Variants in MAGI3 observed in about 807,000 individuals in gnomAD.
MAGI3 encodes the protein membrane-associated guanylate kinase, WW and PDZ domain-containing protein 3.
MAGI3 carries 43 observed loss-of-function variants against 121.8 expected under a neutral mutation model. The observed-to-expected ratio is 0.35, with a 90% CI of 0.28 to 0.46. The LOEUF (loss-of-function observed/expected upper bound fraction) is 0.46. MAGI3 is among the 20% of genes least tolerant of loss of function. The probability of loss-of-function intolerance (pLI) is 1.00; values close to 1 mark genes in which losing one functional copy is unlikely to be tolerated. For synonymous variants in MAGI3, 553 were observed against 639.3 expected (o/e 0.86, Z 2.04); for missense variants, 1,547 against 1,797.3 (o/e 0.86, Z 2.52).
At chr1:113,577,277 G>A (rs989327024) in intron 2 of MAGI3, among the ~76,000 whole-genome samples, 3 of 152,128 alleles carry the variant, frequency 2.0e-5, no homozygotes, top group Non-Finnish European at 2.9e-5. Context: ...TAAGATGAGG[G>A]TAAGACTTGG....
chr1:113,462,813 A>C (rs1235785488), intron 1 of MAGI3, among the ~76,000 whole-genome samples: 1 of 152,156 alleles, frequency 6.6e-6, no homozygotes. Context: ...TTATTCTTAC[A>C]ATTTTAGATT....
chr1:113,505,108 A>C (rs924044135), intron 1 of MAGI3, among the ~76,000 whole-genome samples: 4 of 152,148 alleles, frequency 2.6e-5, no homozygotes, highest in Non-Finnish European at 5.9e-5. Flanking sequence ...GAGAGTTATA[A>C]TAATACAACA....
At chr1:113,394,268 A>G (rs1358486154) in intron 1 of MAGI3, among the ~76,000 whole-genome samples, 1 of 152,160 alleles carries the variant, frequency 6.6e-6, no homozygotes, top group Non-Finnish European at 1.5e-5. Context: ...CTTTTCCTGA[A>G]TCAATTAGGT....
In MAGI3 at chr1:113,629,754, CT is replaced by C. The variant is rs1382186066; in HGVS notation, c.1360+6761del. ...CCTCTCTCTCTCTCTCTCTCTCTCT[CT>C]CTCTCTCCCTCCCTCCCTCCCTCCC... is the stretch of plus-strand genomic sequence containing the variant. On this transcript the variant is annotated intron_variant, in intron 9 of 20. Coordinates refer to ENST00000307546, the MANE Select transcript of MAGI3 (RefSeq NM_001142782.2). Among the ~76,000 whole-genome samples, 247 of 109,496 alleles carry C rather than the reference CT, an allele frequency of 2.3e-3. 1 individual carries two copies. Among genetic ancestry groups the C allele is most frequent in the East Asian group, 0.013 (53 of 4,222 alleles). 71.8% of individuals were successfully genotyped at this position (109,496 alleles called of 152,430 possible).
intron 1 of MAGI3, among the ~76,000 whole-genome samples, chr1:113,409,415 A>G (rs2186051): frequency 0.79 from 119,869 of 151,800 alleles, 47,787 homozygotes; most frequent in African/African-American, 0.91. Flanking sequence ...GAGGCAAGCA[A>G]GAGGATTGCT....
At chr1:113,412,795 A>G (rs1321787632) in intron 1 of MAGI3, among the ~76,000 whole-genome samples, 1 of 152,102 alleles carries the variant, frequency 6.6e-6, no homozygotes, top group Non-Finnish European at 1.5e-5. Context: ...TCAGATGGGT[A>G]GATTGCAAAA....
intron 19 of MAGI3, among the ~76,000 whole-genome samples, chr1:113,678,917 T>C (rs1231633911): frequency 1.3e-5 from 2 of 152,182 alleles, no homozygotes; most frequent in African/African-American, 4.8e-5. Context: ...CTTATTATTA[T>C]TTCTATTCTT....
chr1:113,667,779 C>G (rs1647257706), intron 16 of MAGI3, among the ~76,000 whole-genome samples: 1 of 152,168 alleles, frequency 6.6e-6, no homozygotes, highest in Non-Finnish European at 1.5e-5. Flanking sequence ...ATATGCAACT[C>G]TTTCTTTCAC....
intron 2 of MAGI3, among the ~76,000 whole-genome samples, chr1:113,570,828 C>T (rs1292670405): frequency 6.6e-6 from 1 of 152,008 alleles, no homozygotes; most frequent in African/African-American, 2.4e-5. Context: ...AAAATTTTCT[C>T]CCATTCTATA....
chr1:113,680,357 C>T (rs1305712296), intron 19 of MAGI3, among the ~76,000 whole-genome samples: 1 of 152,196 alleles, frequency 6.6e-6, no homozygotes, highest in Non-Finnish European at 1.5e-5. Context: ...CAGTGCTCTC[C>T]TGCGAGAGTT....
intron 1 of MAGI3, among the ~76,000 whole-genome samples, chr1:113,511,351 G>A (rs1436721489): frequency 6.6e-6 from 1 of 152,208 alleles, no homozygotes; most frequent in African/African-American, 2.4e-5. Flanking sequence ...GCCCAAGAGA[G>A]TTATCTATAC....
chr1:113,554,267 A>C (rs911301237), intron 2 of MAGI3, among the ~76,000 whole-genome samples: 4 of 150,692 alleles, frequency 2.7e-5, no homozygotes, highest in African/African-American at 9.8e-5. Context: ...GAGAAAAATT[A>C]TATATAAATA....
At chr1:113,474,990 T>C (rs1049373001) in intron 1 of MAGI3, among the ~76,000 whole-genome samples, 7 of 152,224 alleles carry the variant, frequency 4.6e-5, no homozygotes, top group Non-Finnish European at 8.8e-5. Context: ...TATTTTATTC[T>C]CTTTGTAGCA....
chr1:113,524,960 T>C (rs1366123792), intron 1 of MAGI3, among the ~76,000 whole-genome samples: 1 of 152,184 alleles, frequency 6.6e-6, no homozygotes, highest in Admixed American at 6.5e-5. Context: ...TTTCCCATGC[T>C]ATTTTCATGA....
intron 1 of MAGI3, among the ~76,000 whole-genome samples, chr1:113,426,051 C>G (rs1367784202): frequency 6.6e-6 from 1 of 151,974 alleles, no homozygotes; most frequent in Non-Finnish European, 1.5e-5. Flanking sequence ...ATAAATTTTC[C>G]TGTCAGCACT....
chr1:113,539,266 G>A (rs1195129512), intron 1 of MAGI3, among the ~76,000 whole-genome samples: 1 of 151,664 alleles, frequency 6.6e-6, no homozygotes, highest in Non-Finnish European at 1.5e-5. Context: ...GGTGGTGTGC[G>A]TCTGTAGTCC....
chr1:113,453,501 T>G (rs1316097387), intron 1 of MAGI3, among the ~76,000 whole-genome samples: 2 of 152,192 alleles, frequency 1.3e-5, no homozygotes, highest in Non-Finnish European at 2.9e-5. Context: ...TTCATAATAT[T>G]TAATTAAATA....
rs1003039775 is a variant in MAGI3 at position 113,488,700 on chromosome 1, C to T, written c.317-60815C>T. Among the ~76,000 whole-genome samples the T allele has an allele frequency of 6.6e-5, 10 of 152,300 alleles. No individual in the cohort carries two copies. The South Asian group carries it at 1.2e-3, about 19-fold the overall frequency. ...GGGAGTGCAGTCCGACCCCCTCCAC[C>T]CACCAACTGCCATTGCAGGCAGAGC... On this transcript the variant is annotated intron_variant, in intron 1 of 20. Coordinates refer to ENST00000307546, the MANE Select transcript of MAGI3 (RefSeq NM_001142782.2).
chr1:113,505,512 TAATAAATAAATAAATAAATA>T (rs58511819), intron 1 of MAGI3, among the ~76,000 whole-genome samples: 1 of 135,610 alleles, frequency 7.4e-6, no homozygotes, highest in Non-Finnish European at 1.6e-5. Flanking sequence ...GGTCCCTACA[TAATAAATAAATAAATAAATA>T]AATAAATAAA....
Sources: allele counts gnomAD v4.1 joint callset (sites outside exome capture counted in the v4.1 genomes callset), GRCh38; gene constraint gnomAD v4.1.1; transcripts MANE v1.5; gene names NCBI Gene and HGNC (gene_info 2026-07-23, HGNC 2026-07-21).